The following CNBD1 variants were observed in gnomAD, a reference collection of about 807,000 sequenced individuals.
CNBD1 encodes cyclic nucleotide-binding domain-containing protein 1.
In CNBD1, 71 loss-of-function variants were observed where a neutral mutation model predicts 54.4. The ratio of observed to expected loss-of-function variants is 1.30; its 90% confidence interval spans 1.08 to 1.59. CNBD1 has a LOEUF of 1.59. Among genes scored for constraint, CNBD1 ranks in the 40% most tolerant of loss-of-function variants. CNBD1 has a pLI of 0.00. For missense variants in CNBD1, 659 were observed against 518.0 expected, an observed-to-expected ratio of 1.27 and a Z score of -2.64; for synonymous variants, 182 against 170.7, an observed-to-expected ratio of 1.07 and a Z score of -0.51.
rs185633440 is a variant in CNBD1 at position 87,129,926 on chromosome 8, G to C, written c.432-76067G>C. On this transcript the variant is annotated intron_variant, in intron 4 of 10. Transcript: ENST00000518476. The stretch of plus-strand genomic sequence containing the variant: ...CCTACAGATTCACGTGGCTGGGGAA[G>C]CCTCACAATCATGGTGGAAGGCAAG... Among the ~76,000 whole-genome samples, 643 of 152,324 alleles carry C rather than the reference G, an allele frequency of 4.2e-3. 4 individuals are homozygous for C. The highest frequency in any genetic ancestry group is 0.015 in the African/African-American group (618 of 41,576).
chr8:87,110,958 T>C (rs1811649770), intron 4 of CNBD1, among the ~76,000 whole-genome samples: 1 of 152,222 alleles, frequency 6.6e-6, no homozygotes, highest in Non-Finnish European at 1.5e-5. Flanking sequence ...GCATTACAGC[T>C]ACCATGTTTT....
At chr8:86,895,540 C>T (rs1454009501) in intron 2 of CNBD1, among the ~76,000 whole-genome samples, 4 of 152,170 alleles carry the variant, frequency 2.6e-5, no homozygotes, top group South Asian at 2.1e-4. Context: ...ACCGTTCCAA[C>T]GTGGCTGTAC....
At chr8:87,089,236 T>C (rs1279444966) in intron 4 of CNBD1, among the ~76,000 whole-genome samples, 1 of 152,098 alleles carries the variant, frequency 6.6e-6, no homozygotes, top group African/African-American at 2.4e-5. Context: ...ACAGACATGA[T>C]TCTGTAGCTA....
intron 6 of CNBD1, among the ~76,000 whole-genome samples, chr8:87,261,027 T>C (rs1170947484): frequency 6.6e-6 from 1 of 152,108 alleles, no homozygotes; most frequent in African/African-American, 2.4e-5. Context: ...TAAAGCCAAA[T>C]TTTATAACCC....
At chr8:87,381,494 G>T (rs1344378207) in intron 10 of CNBD1, among the ~76,000 whole-genome samples, 1 of 151,966 alleles carries the variant, frequency 6.6e-6, no homozygotes, top group Non-Finnish European at 1.5e-5. Context: ...ATTAACAGTA[G>T]ACCATATGAT....
At chr8:87,245,710 G>A (rs373511096) in intron 6 of CNBD1, among the ~76,000 whole-genome samples, 11 of 151,864 alleles carry the variant, frequency 7.2e-5, no homozygotes, top group East Asian at 1.9e-4. Context: ...TTGTGTACTC[G>A]TTTTACTTTT....
chr8:87,425,955 G>C (rs1349175329), intron 2 of CNBD1, among the ~76,000 whole-genome samples: 1 of 152,194 alleles, frequency 6.6e-6, no homozygotes, highest in African/African-American at 2.4e-5. Flanking sequence ...AGACTGCTGT[G>C]CTAGCAATCA....
At position 87,303,179 on chromosome 8, in the gene CNBD1, G is replaced by C. The variant is rs1161593540; in HGVS notation, c.1042+16508G>C. ...GCCAAAAAAGAGCCTGCATTGCCAAGTCAATCCTAAGCCAAAAGAACAAAG... is the reference window on the plus strand; with the variant it reads ...GCCAAAAAAGAGCCTGCATTGCCAACTCAATCCTAAGCCAAAAGAACAAAG... On this transcript the variant is annotated intron_variant, in intron 8 of 10. Transcript: ENST00000518476. 6.6e-5 allele frequency among the ~76,000 whole-genome samples: 10 copies of C among 151,778 alleles called. No homozygotes were observed. The East Asian group carries it at 1.9e-3, about 29-fold the overall frequency.
At chr8:87,034,226 C>A (rs746218987) in intron 4 of CNBD1, among the ~76,000 whole-genome samples, 1 of 152,186 alleles carries the variant, frequency 6.6e-6, no homozygotes, top group Admixed American at 6.5e-5. Flanking sequence ...AATAATTTGA[C>A]TTTTCTCTGC....
intron 4 of CNBD1, among the ~76,000 whole-genome samples, chr8:87,012,350 C>T (rs1226552787): frequency 1.3e-5 from 2 of 152,120 alleles, no homozygotes; most frequent in Non-Finnish European, 2.9e-5. Context: ...CCCCACAAAC[C>T]ACAAATTCTC....
intron 8 of CNBD1, among the ~76,000 whole-genome samples, chr8:87,327,803 C>A (rs917019765): frequency 1.3e-5 from 2 of 152,164 alleles, no homozygotes; most frequent in Non-Finnish European, 1.5e-5. Flanking sequence ...GGAGCTGTTC[C>A]TATTCGGCCA....
intron 4 of CNBD1, among the ~76,000 whole-genome samples, chr8:87,073,915 C>T (rs750248802): frequency 4.6e-5 from 7 of 151,972 alleles, no homozygotes; most frequent in Non-Finnish European, 7.4e-5. Flanking sequence ...TCCTGGTTAA[C>T]ATGATGAAAC....
intron 4 of CNBD1, among the ~76,000 whole-genome samples, chr8:87,164,238 G>T (rs899359486): frequency 2.0e-5 from 3 of 151,758 alleles, no homozygotes; most frequent in Non-Finnish European, 4.4e-5. Flanking sequence ...TTTATTAGTG[G>T]TAATGGCCTG....
intron 8 of CNBD1, among the ~76,000 whole-genome samples, chr8:87,345,205 C>T (rs957797133): frequency 1.3e-5 from 2 of 152,130 alleles, no homozygotes; most frequent in Non-Finnish European, 2.9e-5. Context: ...AGCATATACA[C>T]TTATCTATTT....
chr8:87,111,928 T>C (rs1043370143), intron 4 of CNBD1, among the ~76,000 whole-genome samples: 18 of 152,200 alleles, frequency 1.2e-4, no homozygotes, highest in African/African-American at 3.4e-4. Flanking sequence ...GGGAGCTCAG[T>C]TCTGCAACTT....
Position 87,215,537 on chromosome 8 carries a change from G to A in CNBD1, c.577+9399G>A, listed in dbSNP as rs573323264. 3.5e-3 allele frequency among the ~76,000 whole-genome samples: 524 copies of A among 149,802 alleles called. 3 individuals are homozygous for A. The highest frequency in any genetic ancestry group is 0.012 in the African/African-American group (487 of 40,592). ...CGGGAGGCGGAGCTTGCAGTAAGCCGAGATGGCGCCACTGCACTCCAGCCT... is the reference window on the plus strand; with the variant it reads ...CGGGAGGCGGAGCTTGCAGTAAGCCAAGATGGCGCCACTGCACTCCAGCCT... On this transcript the variant is annotated intron_variant, in intron 5 of 10. Transcript: ENST00000518476.
intron 5 of CNBD1, among the ~76,000 whole-genome samples, chr8:87,226,177 C>G (rs554179193): frequency 7.0e-6 from 1 of 142,874 alleles, no homozygotes; most frequent in African/African-American, 2.6e-5. Context: ...TTTGTTGATC[C>G]TTTCAAAAAA....
At chr8:87,233,981 G>T (rs1227628024) in intron 5 of CNBD1, among the ~76,000 whole-genome samples, 1 of 152,080 alleles carries the variant, frequency 6.6e-6, no homozygotes, top group African/African-American at 2.4e-5. Context: ...AAAATTCAGT[G>T]TTCACAACCT....
intron 4 of CNBD1, among the ~76,000 whole-genome samples, chr8:87,014,255 T>C (rs532322726): frequency 7.5e-6 from 1 of 134,178 alleles, no homozygotes; most frequent in African/African-American, 2.8e-5. Context: ...ATATCAGCAA[T>C]GTCTTTAGAA....
Sources: gnomAD v4.1 joint callset for allele counts (sites outside exome capture counted in the v4.1 genomes callset) on GRCh38, gnomAD v4.1.1 for gene constraint, MANE v1.5 for transcripts, NCBI Gene and HGNC (gene_info 2026-07-23, HGNC 2026-07-21) for gene names.